HEMK2: variants seen among roughly 807,000 people sequenced by gnomAD.
HEMK2 encodes the protein methyltransferase HEMK2.
chr21:28,748,060 G>C, the HEMK2 span, among the ~76,000 whole-genome samples: 1 of 152,222 alleles, frequency 6.6e-6, no homozygotes, highest in African/African-American at 2.4e-5. Flanking sequence ...AGGGAGCTCA[G>C]TATTGTGTAT....
chr21:28,660,539 T>C, the HEMK2 span, among the ~76,000 whole-genome samples: 1 of 151,754 alleles, frequency 6.6e-6, no homozygotes, highest in Non-Finnish European at 1.5e-5. Flanking sequence ...TTATCTTTTG[T>C]TTTTTAATGT....
At chr21:28,636,478 C>T in the HEMK2 span, among the ~76,000 whole-genome samples, 1 of 152,116 alleles carries the variant, frequency 6.6e-6, no homozygotes, top group Non-Finnish European at 1.5e-5. Flanking sequence ...CGTTGATCCA[C>T]CAAATTATGC....
the HEMK2 span, among the ~76,000 whole-genome samples, chr21:28,713,605 T>C: frequency 8.5e-5 from 13 of 152,150 alleles, no homozygotes; most frequent in African/African-American, 3.1e-4. Context: ...CCATTCCTCC[T>C]TTGCATCCTA....
the HEMK2 span, among the ~76,000 whole-genome samples, chr21:28,726,862 C>T: frequency 8.2e-6 from 1 of 121,728 alleles, no homozygotes; most frequent in East Asian, 2.8e-4. Flanking sequence ...CAGAGTAGGA[C>T]CCTATCTAAA....
the HEMK2 span, among the ~76,000 whole-genome samples, chr21:28,643,448 G>T: frequency 7.0e-6 from 1 of 143,596 alleles, no homozygotes; most frequent in Non-Finnish European, 1.5e-5. Context: ...GAGACTGAGG[G>T]GGGAGGATTG....
At chr21:28,884,648 T>C in the HEMK2 span, among the ~76,000 whole-genome samples, 1 of 152,216 alleles carries the variant, frequency 6.6e-6, no homozygotes, top group Non-Finnish European at 1.5e-5. Flanking sequence ...AAAAATTCAG[T>C]TCCTCAATAG....
chr21:28,681,971 C>A, the HEMK2 span, among the ~76,000 whole-genome samples: 4 of 152,118 alleles, frequency 2.6e-5, no homozygotes, highest in Non-Finnish European at 4.4e-5. Flanking sequence ...TAGGCAATAC[C>A]ATTCAGGACA....
At chr21:28,705,459 A>G in the HEMK2 span, among the ~76,000 whole-genome samples, 2 of 119,292 alleles carry the variant, frequency 1.7e-5, no homozygotes, top group African/African-American at 4.3e-5. Flanking sequence ...TCCTCATGAC[A>G]GAAATAGAAA....
the HEMK2 span, among the ~76,000 whole-genome samples, chr21:28,776,656 T>C: frequency 7.4e-3 from 1,130 of 152,220 alleles, 20 homozygotes; most frequent in African/African-American, 0.026. Flanking sequence ...ACCTCAAAAG[T>C]AGGGAAGCCG....
the HEMK2 span, among the ~76,000 whole-genome samples, chr21:28,647,345 A>AAC: frequency 1.0e-5 from 1 of 95,352 alleles, no homozygotes; most frequent in Non-Finnish European, 1.8e-5. Context: ...AAAAAAAAAA[A>AAC]ACATACAAAA....
chr21:28,805,204 C>T, the HEMK2 span, among the ~76,000 whole-genome samples: 1 of 152,198 alleles, frequency 6.6e-6, no homozygotes, highest in Non-Finnish European at 1.5e-5. Flanking sequence ...GACTTTATCA[C>T]TGGGCCATGC....
At chr21:28,615,980 A>G in the HEMK2 span, among the ~76,000 whole-genome samples, 4 of 152,224 alleles carry the variant, frequency 2.6e-5, no homozygotes, top group African/African-American at 4.8e-5. Context: ...AAAAATAATC[A>G]TAACTAATAT....
the HEMK2 span, among the ~76,000 whole-genome samples, chr21:28,709,557 T>C: frequency 6.6e-6 from 1 of 152,168 alleles, no homozygotes; most frequent in African/African-American, 2.4e-5. Context: ...TATATCCTTA[T>C]TTATATAATT....
chr21:28,653,585 C>T, the HEMK2 span, among the ~76,000 whole-genome samples: 7 of 152,260 alleles, frequency 4.6e-5, no homozygotes, highest in East Asian at 1.2e-3. Context: ...ATATTAAAAT[C>T]GCTTCTCAGT....
chr21:28,775,530 T>C, the HEMK2 span, among the ~76,000 whole-genome samples: 1 of 152,086 alleles, frequency 6.6e-6, no homozygotes, highest in African/African-American at 2.4e-5. Context: ...CCATGAATGA[T>C]AGATTGATAG....
chr21:28,882,963 T>C, the HEMK2 span: 2 of 1,467,614 alleles, frequency 1.4e-6, no homozygotes, highest in African/African-American at 2.8e-5. Context: ...GTGGAAGATC[T>C]AGATGAATAT....
At chr21:28,834,190 G>T in the HEMK2 span, among the ~76,000 whole-genome samples, 1 of 152,178 alleles carries the variant, frequency 6.6e-6, no homozygotes, top group Non-Finnish European at 1.5e-5. Flanking sequence ...TCCAGACAGA[G>T]CAGTGTGCAA....
chr21:28,580,101 T>A, the HEMK2 span, among the ~76,000 whole-genome samples: 150 of 152,290 alleles, frequency 9.8e-4, no homozygotes, highest in African/African-American at 3.6e-3. Flanking sequence ...CATCAATTTC[T>A]GAATATAGTT....
chr21:28,881,157 G>A, the HEMK2 span, among the ~76,000 whole-genome samples: 1 of 152,154 alleles, frequency 6.6e-6, no homozygotes, highest in South Asian at 2.1e-4. Flanking sequence ...CAATGGTTGT[G>A]CAGTTGTCAT....
Sources: gnomAD v4.1 joint callset for allele counts (sites outside exome capture counted in the v4.1 genomes callset) on GRCh38, gnomAD v4.1.1 for gene constraint, MANE v1.5 for transcripts, NCBI Gene and HGNC (gene_info 2026-07-23, HGNC 2026-07-21) for gene names.